Variants in TAF4 observed in about 807,000 individuals in gnomAD.
TAF4 encodes the protein transcription initiation factor TFIID subunit 4.
Under a neutral mutation model 90.3 loss-of-function variants are expected in TAF4, and 9 were observed. That is an observed-to-expected ratio of 0.10 (90% CI 0.06 to 0.17). The LOEUF (loss-of-function observed/expected upper bound fraction) is 0.17, where lower values mean the gene tolerates loss of function less well. Ranked by LOEUF, TAF4 falls within the 10% of genes least tolerant of loss-of-function variation. The pLI, the probability that TAF4 is intolerant of heterozygous loss-of-function variation, is 1.00. For synonymous variants in TAF4, 818 were observed against 638.9 expected (o/e 1.28, Z -4.23); for missense variants, 1,351 against 1,370.7 (o/e 0.99, Z 0.23).
At chr20:62,053,768 GC>G (rs2056044664) in intron 1 of TAF4, among the ~76,000 whole-genome samples, 1 of 152,218 alleles carries the variant, frequency 6.6e-6, no homozygotes, top group Non-Finnish European at 1.5e-5. Flanking sequence ...CCAGGCACAA[GC>G]CGAACCACCC....
intron 7 of TAF4, among the ~76,000 whole-genome samples, chr20:62,004,306 A>G (rs999173039): frequency 1.5e-5 from 2 of 134,486 alleles, no homozygotes; most frequent in Non-Finnish European, 3.2e-5. Flanking sequence ...TCTCATCTGA[A>G]TTTTCTTTTT....
intron 1 of TAF4, among the ~76,000 whole-genome samples, chr20:62,057,349 G>A (rs113231377): frequency 3.9e-5 from 6 of 152,280 alleles, no homozygotes; most frequent in South Asian, 2.1e-4. Context: ...CCCCAACCCC[G>A]AAACAATTCC....
At chr20:62,029,168 C>G (rs1200086981) in intron 1 of TAF4, among the ~76,000 whole-genome samples, 1 of 150,772 alleles carries the variant, frequency 6.6e-6, no homozygotes, top group Non-Finnish European at 1.5e-5. Context: ...TGCACTCTAG[C>G]CTGGGCGACA....
At chr20:62,051,825 C>T (rs746620066) in intron 1 of TAF4, among the ~76,000 whole-genome samples, 101 of 152,206 alleles carry the variant, frequency 6.6e-4, no homozygotes, top group Non-Finnish European at 9.7e-4. Flanking sequence ...ACCTCAGGGG[C>T]GTCCCGGGTA....
chr20:61,989,308 G>A (rs1175082089), intron 14 of TAF4, among the ~76,000 whole-genome samples: 2 of 152,136 alleles, frequency 1.3e-5, no homozygotes, highest in Non-Finnish European at 2.9e-5. Flanking sequence ...AGGAACCAGG[G>A]GAAGCTGCAG....
At position 61,998,181 on chromosome 20, in the gene TAF4, T is replaced by C. The variant is rs1413673060; in HGVS notation, c.2925A>G (p.Arg975=). The change falls in exon 13 of 15, where the codon AGA becomes AGG. Residue 975 remains arginine (R), a synonymous_variant. Coordinates refer to ENST00000252996, the MANE Select transcript of TAF4 (RefSeq NM_003185.4). Reference sequence around the variant, plus strand: ...GCCTTAACTGTTCTGGATCTTCTTGTCTTGACCGAGACTATTTTTGAAAGA... The same window carrying C: ...GCCTTAACTGTTCTGGATCTTCTTGCCTTGACCGAGACTATTTTTGAAAGA... ...ILMRAAKSRS[R]QEDPEQLRLK... 2 of 1,613,608 alleles carry C rather than the reference T, an allele frequency of 1.2e-6. No homozygotes were observed. The highest frequency in any genetic ancestry group is 1.7e-5 in the Admixed American group (1 of 59,854).
chr20:61,976,511 G>C (rs1425290352), intron 14 of TAF4, among the ~76,000 whole-genome samples, 176 bp from the exon 15 acceptor site: 5 of 152,214 alleles, frequency 3.3e-5, no homozygotes, highest in Non-Finnish European at 1.5e-5. Flanking sequence ...GCCAGGGCAG[G>C]GGCAAGGGCA....
At chr20:62,046,412 T>TA (rs2055993571) in intron 1 of TAF4, among the ~76,000 whole-genome samples, 1 of 152,230 alleles carries the variant, frequency 6.6e-6, no homozygotes. Flanking sequence ...TGTTCCAGCT[T>TA]AGCTTTTTCT....
intron 2 of TAF4, among the ~76,000 whole-genome samples, chr20:62,014,113 C>T (rs1568932287): frequency 6.6e-6 from 1 of 151,810 alleles, no homozygotes; most frequent in Non-Finnish European, 1.5e-5. Context: ...TCGCACACAG[C>T]GGCTCCAGGA....
intron 1 of TAF4, among the ~76,000 whole-genome samples, chr20:62,045,476 G>A (rs28382021): frequency 0.028 from 4,200 of 152,330 alleles, 199 homozygotes; most frequent in African/African-American, 0.096. Context: ...GAGTGCTGTG[G>A]GATGAACCAG....
At chr20:61,984,110 A>C (rs2123099559) in intron 14 of TAF4, among the ~76,000 whole-genome samples, 1 of 152,346 alleles carries the variant, frequency 6.6e-6, no homozygotes, top group South Asian at 2.1e-4. Context: ...CAAGTGGACA[A>C]AACTAAGCCA....
intron 2 of TAF4, among the ~76,000 whole-genome samples, chr20:62,014,215 G>A (rs1258437260): frequency 6.6e-6 from 1 of 152,158 alleles, no homozygotes; most frequent in Non-Finnish European, 1.5e-5. Context: ...TGAGGGGACA[G>A]GCACAGGAAG....
At chr20:62,042,307 C>T (rs2055968240) in intron 1 of TAF4, among the ~76,000 whole-genome samples, 1 of 152,198 alleles carries the variant, frequency 6.6e-6, no homozygotes, top group Non-Finnish European at 1.5e-5. Context: ...CTTCTCACTC[C>T]ATCCCCTTGC....
intron 1 of TAF4, among the ~76,000 whole-genome samples, chr20:62,055,859 G>A (rs937824337): frequency 3.9e-5 from 6 of 152,204 alleles, no homozygotes; most frequent in African/African-American, 9.7e-5. Context: ...CATGAAAGCA[G>A]GGGCTGTCAG....
chr20:62,036,172 C>T (rs554166162), intron 1 of TAF4, among the ~76,000 whole-genome samples: 43 of 152,224 alleles, frequency 2.8e-4, no homozygotes, highest in South Asian at 2.5e-3. Flanking sequence ...TACAGGTACC[C>T]GCCATCACAA....
intron 11 of TAF4, 79 bp from the exon 12 acceptor site, chr20:61,999,187 C>G (rs548360582): frequency 1.3e-6 from 2 of 1,543,528 alleles, no homozygotes; most frequent in African/African-American, 2.7e-5. Flanking sequence ...ACCACTGGAC[C>G]ATCCGTGCAC....
chr20:61,997,976 A>G (rs898253126), intron 13 of TAF4, among the ~76,000 whole-genome samples, 160 bp downstream of exon 13: 1 of 152,360 alleles, frequency 6.6e-6, no homozygotes, highest in South Asian at 2.1e-4. Context: ...GCACAGGAAA[A>G]TACCTCTGAT....
intron 1 of TAF4, among the ~76,000 whole-genome samples, chr20:62,061,048 G>C (rs558913905): frequency 9.2e-5 from 14 of 152,332 alleles, no homozygotes; most frequent in Middle Eastern, 3.4e-3. Context: ...AAGGCTCCGA[G>C]GAACAACATA....
intron 1 of TAF4, among the ~76,000 whole-genome samples, chr20:62,041,306 T>C (rs1008414112): frequency 6.6e-6 from 1 of 152,298 alleles, no homozygotes; most frequent in African/African-American, 2.4e-5. Context: ...TTTTTATGCA[T>C]GTTAACCTCT....
Sources: gnomAD v4.1 joint callset for allele counts (sites outside exome capture counted in the v4.1 genomes callset) on GRCh38, gnomAD v4.1.1 for gene constraint, MANE v1.5 for transcripts, NCBI Gene and HGNC (gene_info 2026-07-23, HGNC 2026-07-21) for gene names.